Variants in PRKCH observed in about 807,000 individuals in gnomAD.
PRKCH encodes the protein protein kinase C eta.
PRKCH carries 28 observed loss-of-function variants against 82.5 expected under a neutral mutation model. The observed-to-expected ratio is 0.34, with a 90% CI of 0.25 to 0.47. PRKCH has a LOEUF of 0.47. PRKCH is among the 20% of genes least tolerant of loss of function. The pLI is 1.00. For missense variants in PRKCH, 705 were observed against 881.8 expected (o/e 0.80, Z 2.54); for synonymous variants, 322 against 327.4 (o/e 0.98, Z 0.18).
chr14:61,192,509 A>G (rs1036138061), intron 1 of PRKCH, among the ~76,000 whole-genome samples: 1 of 152,226 alleles, frequency 6.6e-6, no homozygotes, highest in African/African-American at 2.4e-5. Flanking sequence ...GTAACATTTT[A>G]TGAAGTTTTA....
intron 1 of PRKCH, among the ~76,000 whole-genome samples, chr14:61,273,207 C>T (rs1207326319): frequency 6.6e-6 from 1 of 151,954 alleles, no homozygotes; most frequent in African/African-American, 2.4e-5. Flanking sequence ...GGAAATAAAC[C>T]CCTGAACTTA....
intron 1 of PRKCH, among the ~76,000 whole-genome samples, chr14:61,381,704 C>T (rs2046512177): frequency 6.6e-6 from 1 of 152,244 alleles, no homozygotes; most frequent in Admixed American, 6.5e-5. Context: ...GCACATCAGG[C>T]TGGTGCCACT....
chr14:61,402,833 GCTGT>G (rs202115365), intron 2 of PRKCH, among the ~76,000 whole-genome samples: 3,595 of 151,104 alleles, frequency 0.024, 85 homozygotes, highest in East Asian at 0.079. Context: ...AAAGAATCTA[GCTGT>G]CTTTTTTTTT....
intron 1 of PRKCH, among the ~76,000 whole-genome samples, chr14:61,363,748 A>G (rs1223397411): frequency 6.7e-6 from 1 of 150,054 alleles, no homozygotes; most frequent in Non-Finnish European, 1.5e-5. Context: ...CTGAGGATGA[A>G]GAAGGCAACG....
rs573116596 is a variant in PRKCH, at chr14:61,238,559, C to T, written c.-19+50891C>T. On this transcript the variant is annotated intron_variant, in intron 1 of 3. Transcript: ENST00000555185. ...TTAAGAGCTTTGTTTTGACCCCACA[C>T]ATTTACATTTTATTCACCTCATTTC... 1.2e-3 allele frequency among the ~76,000 whole-genome samples: 187 copies of T among 152,332 alleles called. 1 individual carries two copies. Among genetic ancestry groups the T allele is most frequent in the African/African-American group, 4.3e-3 (177 of 41,574 alleles).
At chr14:61,202,734 G>C (rs2044492125) in intron 1 of PRKCH, among the ~76,000 whole-genome samples, 1 of 151,968 alleles carries the variant, frequency 6.6e-6, no homozygotes, top group Non-Finnish European at 1.5e-5. Context: ...AAAGTTTTAG[G>C]TTTACAGAAA....
chr14:61,298,674 G>A (rs2045424480), intron 1 of PRKCH: 1 of 152,128 alleles, frequency 6.6e-6, no homozygotes, highest in Non-Finnish European at 1.5e-5. Flanking sequence ...ATGTGGCCCT[G>A]TTTCAGTACG....
At chr14:61,415,850 C>T (rs982064382) in intron 2 of PRKCH, among the ~76,000 whole-genome samples, 1 of 152,126 alleles carries the variant, frequency 6.6e-6, no homozygotes, top group Non-Finnish European at 1.5e-5. Flanking sequence ...ATTCCCTCTC[C>T]CTCCAGCCCT....
At chr14:61,486,776 A>C (rs1886245099) in intron 10 of PRKCH, among the ~76,000 whole-genome samples, 1 of 151,490 alleles carries the variant, frequency 6.6e-6, no homozygotes, top group Non-Finnish European at 1.5e-5. Flanking sequence ...GGCCTCCTAA[A>C]GTGCTAGGAT....
intron 10 of PRKCH, among the ~76,000 whole-genome samples, chr14:61,516,623 GCTCAAGAAGTACCAGTGAGTT>G (rs2042833059): frequency 1.3e-5 from 2 of 152,138 alleles, no homozygotes; most frequent in Non-Finnish European, 2.9e-5. Flanking sequence ...CGGAGTGAGT[GCTCAAGAAGTACCAGTGAGTT>G]CTCCCAAGGG....
At chr14:61,318,294 T>C (rs1473311636), upstream of PRKCH, among the ~76,000 whole-genome samples, 1 of 151,960 alleles carries the variant, frequency 6.6e-6, no homozygotes, top group Non-Finnish European at 1.5e-5. Context: ...GGCTGCTCTC[T>C]AGGCTCAAGT....
intron 1 of PRKCH, among the ~76,000 whole-genome samples, chr14:61,243,034 C>T (rs1275741885): frequency 1.3e-5 from 2 of 151,854 alleles, no homozygotes; most frequent in African/African-American, 2.4e-5. Flanking sequence ...GTCTAGAAGA[C>T]TATGAAGTCA....
intron 10 of PRKCH, among the ~76,000 whole-genome samples, chr14:61,519,677 C>T (rs1307543000): frequency 3.9e-5 from 6 of 152,092 alleles, no homozygotes; most frequent in Non-Finnish European, 1.5e-5. Context: ...CTCAGGAACA[C>T]CAGATTAAGT....
chr14:61,230,917 C>T (rs1221126237), intron 1 of PRKCH, among the ~76,000 whole-genome samples: 1 of 152,240 alleles, frequency 6.6e-6, no homozygotes, highest in Admixed American at 6.5e-5. Flanking sequence ...CTTATTTCTT[C>T]TACCCCAGGG....
intron 1 of PRKCH, among the ~76,000 whole-genome samples, chr14:61,377,317 C>T (rs185699030): frequency 7.2e-5 from 11 of 152,314 alleles, no homozygotes; most frequent in Admixed American, 2.0e-4. Context: ...TTTCACTGCT[C>T]TTAGACTTAG....
chr14:61,515,404 G>A (rs754908980), intron 10 of PRKCH, among the ~76,000 whole-genome samples: 9 of 152,150 alleles, frequency 5.9e-5, no homozygotes, highest in African/African-American at 9.7e-5. Context: ...GTCACCTGTG[G>A]TGAATTCAGT....
chr14:61,363,057 T>C (rs1399377695), intron 1 of PRKCH, among the ~76,000 whole-genome samples: 1 of 152,208 alleles, frequency 6.6e-6, no homozygotes, highest in Non-Finnish European at 1.5e-5. Flanking sequence ...GAAGGCATTG[T>C]AGGCTAAGGG....
intron 1 of PRKCH, among the ~76,000 whole-genome samples, chr14:61,347,657 G>C (rs2046013814): frequency 6.6e-6 from 1 of 152,122 alleles, no homozygotes; most frequent in Non-Finnish European, 1.5e-5. Flanking sequence ...GGAGCTGCTG[G>C]GTCCTTTTCA....
In PRKCH at chr14:61,550,460, T is replaced by C. The variant is rs2043311362; in HGVS notation, c.*629T>C. The stretch of plus-strand genomic sequence containing the variant: ...TCTTATCCTTACTTTCTTTAATAGA[T>C]ATTTATTAAACTGTCCAGTGAAAAG... On this transcript the variant is annotated 3_prime_UTR_variant, in exon 14 of 14. Transcript: ENST00000332981. 6.6e-6 allele frequency: 1 copy of C among 152,660 alleles called. No homozygotes were observed. Among genetic ancestry groups the C allele is most frequent in the Non-Finnish European group, 1.5e-5 (1 of 68,048 alleles). The allele number at this position is 152,660 out of a possible 1,614,324, so 9.5% of individuals were successfully genotyped here.
Sources: gnomAD v4.1 joint callset for allele counts (sites outside exome capture counted in the v4.1 genomes callset) on GRCh38, gnomAD v4.1.1 for gene constraint, MANE v1.5 for transcripts, NCBI Gene and HGNC (gene_info 2026-07-23, HGNC 2026-07-21) for gene names.